Variants in MAST2 observed in about 807,000 individuals in gnomAD.
MAST2 encodes microtubule-associated serine/threonine-protein kinase 2.
A neutral mutation model predicts 147.4 loss-of-function variants in MAST2; 70 were observed. The ratio of observed to expected loss-of-function variants is 0.47; its 90% CI spans 0.39 to 0.58. The LOEUF (loss-of-function observed/expected upper bound fraction) is 0.58, where lower values mean the gene tolerates loss of function less well. MAST2 is among the 20% of genes least tolerant of loss of function. The pLI, the probability that MAST2 is intolerant of heterozygous loss-of-function variation, is 0.00. For synonymous variants in MAST2, 869 were observed against 896.8 expected (o/e 0.97, Z 0.55); for missense variants, 2,080 against 2,302.3 (o/e 0.90, Z 1.98).
At chr1:45,871,976 A>G (rs1041328838) in intron 3 of MAST2, among the ~76,000 whole-genome samples, 3 of 152,130 alleles carry the variant, frequency 2.0e-5, no homozygotes, top group Admixed American at 6.5e-5. Context: ...TGATCCTCCC[A>G]CCGTGGCCTC....
chr1:45,822,577 G>A (rs1329071692), intron 1 of MAST2, among the ~76,000 whole-genome samples: 1 of 152,156 alleles, frequency 6.6e-6, no homozygotes, highest in African/African-American at 2.4e-5. Flanking sequence ...CATCCATACA[G>A]TGTAGCAGGC....
At chr1:45,955,235 C>A (rs1479898121) in intron 4 of MAST2, among the ~76,000 whole-genome samples, 1 of 152,030 alleles carries the variant, frequency 6.6e-6, no homozygotes, top group Non-Finnish European at 1.5e-5. Context: ...CACACGGATA[C>A]CAAAATCTGC....
chr1:45,943,880 C>G (rs1443588087), intron 4 of MAST2, among the ~76,000 whole-genome samples: 1 of 152,136 alleles, frequency 6.6e-6, no homozygotes, highest in Non-Finnish European at 1.5e-5. Flanking sequence ...TGATCACAAG[C>G]CTTTGTAATG....
intron 5 of MAST2, among the ~76,000 whole-genome samples, chr1:45,975,844 G>A (rs1644129972): frequency 6.6e-6 from 1 of 151,966 alleles, no homozygotes; most frequent in Non-Finnish European, 1.5e-5. Flanking sequence ...TTTTACCTAA[G>A]ATCCATGGAC....
At chr1:45,950,107 A>C (rs1658715488) in intron 4 of MAST2, among the ~76,000 whole-genome samples, 1 of 152,190 alleles carries the variant, frequency 6.6e-6, no homozygotes, top group Non-Finnish European at 1.5e-5. Flanking sequence ...CAGGAAAAGT[A>C]ACTATTGGGT....
intron 4 of MAST2, among the ~76,000 whole-genome samples, chr1:45,952,036 C>T (rs1306728182): frequency 1.3e-5 from 2 of 152,298 alleles, no homozygotes; most frequent in South Asian, 4.1e-4. Flanking sequence ...TTAAAGAACC[C>T]TCAAGAATTC....
chr1:45,922,655 G>T (rs1172202787), intron 4 of MAST2, among the ~76,000 whole-genome samples: 1 of 152,182 alleles, frequency 6.6e-6, no homozygotes, highest in Admixed American at 6.5e-5. Context: ...CCTGCGAGGG[G>T]CAGGGGCCTT....
rs1298639278 is a variant in MAST2 at position 45,829,413 on chromosome 1, A to G, written c.326-26A>G. On this transcript the variant is annotated intron_variant, in intron 2 of 28. Transcript: ENST00000361297. ...TGTTTATCAATAAATAATTACATGTATATTTTCCAAACCTTGTATTTGAAG... is the reference window on the plus strand; with the variant it reads ...TGTTTATCAATAAATAATTACATGTGTATTTTCCAAACCTTGTATTTGAAG... 5.0e-6 allele frequency: 8 copies of G among 1,595,158 alleles called. No homozygotes were observed. In the African/African-American group the frequency reaches 9.4e-5, roughly 19 times the overall value.
intron 4 of MAST2, among the ~76,000 whole-genome samples, chr1:45,934,886 GA>G (rs1557930305): frequency 1.3e-5 from 2 of 152,170 alleles, no homozygotes; most frequent in African/African-American, 4.8e-5. Context: ...CTTTTTGATA[GA>G]ACGACTTATT....
At position 46,008,369 on chromosome 1, in the gene MAST2, A is replaced by C; in HGVS notation, c.976A>C (p.Lys326Gln). 1 of 1,609,352 alleles carries C rather than the reference A, an allele frequency of 6.2e-7. No individual in the cohort carries two copies. ...MNHVYKERFPKATAQMEERLA... is the reference protein window; with the variant it reads ...MNHVYKERFPQATAQMEERLA... ...TCATGTTTACAAAGAAAGATTCCCA[A>C]AGGTAAGGATCCATTTAAAAGGAGA... Residue 326 changes from lysine (K) to glutamine (Q), a missense_variant and splice_region_variant, in exon 9 of 29, where the codon AAG becomes CAG. By Grantham distance (53) the Lys-to-Gln change is moderately conservative. Coordinates refer to ENST00000361297, the MANE Select transcript of MAST2 (RefSeq NM_015112.3).
At chr1:45,949,570 A>C (rs190493793) in intron 4 of MAST2, among the ~76,000 whole-genome samples, 43 of 152,304 alleles carry the variant, frequency 2.8e-4, no homozygotes, top group African/African-American at 1.0e-3. Context: ...AAAAAATAAC[A>C]GATGCTGGCA....
chr1:45,964,622 T>C (rs1276797030), intron 5 of MAST2, among the ~76,000 whole-genome samples: 1 of 152,222 alleles, frequency 6.6e-6, no homozygotes, highest in African/African-American at 2.4e-5. Flanking sequence ...TCTTTATTAG[T>C]CTTGCTAGCA....
At chr1:46,004,910 A>G (rs1045822940) in intron 7 of MAST2, among the ~76,000 whole-genome samples, 1 of 150,902 alleles carries the variant, frequency 6.6e-6, no homozygotes, top group African/African-American at 2.4e-5. Context: ...CTGTCACTTA[A>G]AAAAAAAATA....
At chr1:45,969,363 A>G (rs964000585) in intron 5 of MAST2, among the ~76,000 whole-genome samples, 1 of 152,106 alleles carries the variant, frequency 6.6e-6, no homozygotes, top group Admixed American at 6.5e-5. Context: ...GGGATCCGCA[A>G]CCCCTGGGCC....
At position 45,824,511 on chromosome 1, in the gene MAST2, A is replaced by G; in HGVS notation, c.256A>G (p.Lys86Glu). 1 of 1,612,342 alleles carries G rather than the reference A, an allele frequency of 6.2e-7. No homozygotes were observed. Among genetic ancestry groups the G allele is most frequent in the Non-Finnish European group, 8.5e-7 (1 of 1,178,912 alleles). ...CATATTTTCATCCACTGGAAAAGTT[A>G]AACTTCAGCGACAACTGAGTCAGGA... ...PDIFSSTGKV[K>E]LQRQLSQDDC... Residue 86 changes from lysine (K) to glutamate (E), a missense_variant, in exon 2 of 29, where the codon AAA (lysine) becomes GAA (glutamate). This residue lies in a region of MAST2 where 569 missense variants were observed against 642.5 expected (regional missense o/e 0.89). Transcript: ENST00000361297.
intron 4 of MAST2, among the ~76,000 whole-genome samples, chr1:45,926,108 C>T (rs980826311): frequency 2.0e-5 from 3 of 152,178 alleles, no homozygotes; most frequent in Admixed American, 1.3e-4. Flanking sequence ...AAAAGAGGAA[C>T]ATCTCCCAGA....
Position 46,035,824 on chromosome 1 carries a change from G to C in MAST2, c.5155G>C (p.Glu1719Gln). The C allele has an allele frequency of 1.2e-6, 2 of 1,614,078 alleles. No individual in the cohort carries two copies. Among genetic ancestry groups the C allele is most frequent in the Middle Eastern group, 1.7e-4 (1 of 6,060 alleles). Residue 1719 changes from glutamate to glutamine, a missense_variant, in exon 29 of 29, where the codon GAG becomes CAG. By Grantham distance (29) the Glu-to-Gln change is conservative. Transcript: ENST00000361297. The surrounding 1 kb of genome is among the most constrained non-coding windows in gnomAD (Gnocchi z 5.5). ...SAPRLAHPSY[E>Q]DPSQGWLWES... ...CCCCAGACTGGCCCATCCATCTTAT[G>C]AGGATCCCAGCCAGGGCTGGCTATG... is the stretch of plus-strand genomic sequence containing the variant.
chr1:45,965,263 C>T (rs112005010), intron 5 of MAST2, among the ~76,000 whole-genome samples: 7,401 of 152,220 alleles, frequency 0.049, 273 homozygotes, highest in Non-Finnish European at 0.073. Flanking sequence ...AATTCATTTC[C>T]TGGATATCCT....
chr1:45,899,077 T>C (rs1261486346), intron 4 of MAST2, among the ~76,000 whole-genome samples: 1 of 152,156 alleles, frequency 6.6e-6, no homozygotes, highest in Non-Finnish European at 1.5e-5. Flanking sequence ...TCAGTCACTG[T>C]TAGAAAAATA....
Sources: allele counts gnomAD v4.1 joint callset (sites outside exome capture counted in the v4.1 genomes callset), GRCh38; gene constraint gnomAD v4.1.1; regional missense constraint gnomAD v4.1.1; non-coding constraint Gnocchi (gnomAD v3.1); transcripts MANE v1.5; gene names NCBI Gene and HGNC (gene_info 2026-07-23, HGNC 2026-07-21).